IMMP2L: variants seen among roughly 807,000 people sequenced by gnomAD.
The protein encoded by IMMP2L is mitochondrial inner membrane protease subunit 2.
A neutral mutation model predicts 19.3 loss-of-function variants in IMMP2L; 18 were observed. That is an observed-to-expected ratio of 0.93 (90% CI 0.64 to 1.38). The LOEUF is 1.38. IMMP2L is among the 40% of genes most tolerant of loss of function. The probability of loss-of-function intolerance (pLI) is 0.00; values close to 1 mark genes in which losing one functional copy is unlikely to be tolerated. For missense variants in IMMP2L, 233 were observed against 218.2 expected, an observed-to-expected ratio of 1.07 and a Z score of -0.43; for synonymous variants, 76 against 73.0, an observed-to-expected ratio of 1.04 and a Z score of -0.21.
intron 1 of IMMP2L, among the ~76,000 whole-genome samples, chr7:111,536,820 A>C (rs1382692554): frequency 6.6e-6 from 1 of 152,164 alleles, no homozygotes; most frequent in Non-Finnish European, 1.5e-5. Flanking sequence ...TTTGAGATCC[A>C]CTAGTAAAGC....
intron 3 of IMMP2L, among the ~76,000 whole-genome samples, chr7:110,999,423 G>A (rs66596422): frequency 0.47 from 67,261 of 141,866 alleles, 16,880 homozygotes; most frequent in Non-Finnish European, 0.59. Flanking sequence ...TTGTCTTCTT[G>A]CTCTATTTTC....
intron 3 of IMMP2L, among the ~76,000 whole-genome samples, chr7:111,054,551 C>A (rs6945175): frequency 0.92 from 139,543 of 152,252 alleles, 64,505 homozygotes; most frequent in East Asian, 0.99. Context: ...TCCCTGCAGA[C>A]ATCCATGAGG....
At chr7:110,826,751 G>A (rs932195129) in intron 5 of IMMP2L, among the ~76,000 whole-genome samples, 13 of 151,910 alleles carry the variant, frequency 8.6e-5, no homozygotes, top group Non-Finnish European at 1.0e-4. Flanking sequence ...ACGACTTAAT[G>A]TGTGCAGCAC....
At chr7:111,031,556 T>G (rs1790824337) in intron 3 of IMMP2L, among the ~76,000 whole-genome samples, 1 of 151,732 alleles carries the variant, frequency 6.6e-6, no homozygotes, top group Non-Finnish European at 1.5e-5. Flanking sequence ...AAAATAAATA[T>G]CCACAAGCCT....
intron 5 of IMMP2L, among the ~76,000 whole-genome samples, chr7:110,869,731 A>G (rs1808354084): frequency 6.6e-6 from 1 of 152,142 alleles, no homozygotes; most frequent in South Asian, 2.1e-4. Context: ...TCTAATACAC[A>G]TGAAAATTTG....
chr7:110,873,858 T>C (rs1222468830), intron 5 of IMMP2L, among the ~76,000 whole-genome samples: 2 of 151,964 alleles, frequency 1.3e-5, no homozygotes, highest in African/African-American at 4.8e-5. Flanking sequence ...GAAAGGTTAC[T>C]AGATTTCCTC....
At chr7:110,902,141 G>A (rs941970620) in intron 4 of IMMP2L, among the ~76,000 whole-genome samples, 1 of 151,720 alleles carries the variant, frequency 6.6e-6, no homozygotes, top group Non-Finnish European at 1.5e-5. Flanking sequence ...GAGGGTTAAG[G>A]GGGATTAAAA....
intron 3 of IMMP2L, among the ~76,000 whole-genome samples, chr7:111,326,975 T>C (rs577051902): frequency 5.3e-5 from 8 of 151,850 alleles, no homozygotes; most frequent in African/African-American, 1.9e-4. Flanking sequence ...TGTCCATCAA[T>C]AGATGAAAGG....
At chr7:110,674,173 C>A (rs904111305) in intron 5 of IMMP2L, among the ~76,000 whole-genome samples, 2 of 152,170 alleles carry the variant, frequency 1.3e-5, no homozygotes, top group African/African-American at 4.8e-5. Context: ...TCCTTCTCCA[C>A]ATGGCAGCAG....
chr7:111,233,722 A>C (rs999292540), intron 3 of IMMP2L, among the ~76,000 whole-genome samples: 1 of 152,122 alleles, frequency 6.6e-6, no homozygotes, highest in Non-Finnish European at 1.5e-5. Flanking sequence ...AGCACTTACA[A>C]TGTGAACTCA....
intron 3 of IMMP2L, among the ~76,000 whole-genome samples, chr7:111,381,561 T>C (rs924407371): frequency 1.1e-4 from 16 of 152,128 alleles, no homozygotes; most frequent in South Asian, 1.0e-3. Context: ...AGTACTTGTA[T>C]AGATGAAAAA....
intron 4 of IMMP2L, among the ~76,000 whole-genome samples, chr7:110,936,390 G>T (rs998291046): frequency 2.0e-5 from 3 of 152,130 alleles, no homozygotes; most frequent in African/African-American, 7.2e-5. Flanking sequence ...GTGGGCAAAG[G>T]ATATGAATAG....
At chr7:111,236,678 T>A (rs1767920836) in intron 3 of IMMP2L, among the ~76,000 whole-genome samples, 3 of 152,096 alleles carry the variant, frequency 2.0e-5, no homozygotes, top group Admixed American at 2.0e-4. Flanking sequence ...CAGTACTCTG[T>A]CCTGCAAACT....
chr7:110,774,324 A>G (rs1344827170), intron 5 of IMMP2L, among the ~76,000 whole-genome samples: 1 of 152,116 alleles, frequency 6.6e-6, no homozygotes, highest in Non-Finnish European at 1.5e-5. Context: ...AACCGCATCA[A>G]GCAAGCATGG....
intron 3 of IMMP2L, among the ~76,000 whole-genome samples, chr7:111,275,249 A>T (rs1232381620): frequency 6.6e-6 from 1 of 152,162 alleles, no homozygotes; most frequent in Non-Finnish European, 1.5e-5. Context: ...ATGAGATAAG[A>T]GACTTGGCCC....
chr7:111,302,868 T>C lies in IMMP2L; in HGVS notation c.239+184370A>G, dbSNP rs77781207. On this transcript the variant is annotated intron_variant, in intron 3 of 5. Coordinates refer to ENST00000405709, the MANE Select transcript of IMMP2L (RefSeq NM_032549.4). ...GAGAGTTTTCTTAATATGACTCGTT[T>C]GTGAGATAATTTCTGGGGCTACCAC... Among the ~76,000 whole-genome samples the C allele has an allele frequency of 1.7e-3, 266 of 152,222 alleles. 2 individuals carry two copies. The highest frequency in any genetic ancestry group is 6.0e-3 in the African/African-American group (248 of 41,546).
At chr7:110,831,808 G>T (rs1357583541) in intron 5 of IMMP2L, among the ~76,000 whole-genome samples, 1 of 152,176 alleles carries the variant, frequency 6.6e-6, no homozygotes, top group Non-Finnish European at 1.5e-5. Flanking sequence ...TTTATTCAGA[G>T]GTACCCAGGT....
At chr7:111,250,032 T>C (rs1175910914) in intron 3 of IMMP2L, among the ~76,000 whole-genome samples, 1 of 152,162 alleles carries the variant, frequency 6.6e-6, no homozygotes, top group Non-Finnish European at 1.5e-5. Context: ...AAAAGCTCCT[T>C]AAGCTGATAA....
intron 5 of IMMP2L, among the ~76,000 whole-genome samples, chr7:110,794,392 T>G (rs994559948): frequency 6.6e-6 from 1 of 152,108 alleles, no homozygotes; most frequent in Non-Finnish European, 1.5e-5. Context: ...AGGAAGCCAG[T>G]CTGAAAAGGC....
Sources: gnomAD v4.1 joint callset for allele counts (sites outside exome capture counted in the v4.1 genomes callset) on GRCh38, gnomAD v4.1.1 for gene constraint, MANE v1.5 for transcripts, NCBI Gene and HGNC (gene_info 2026-07-23, HGNC 2026-07-21) for gene names.